The following SMYD3 variants were observed in gnomAD, a reference collection of about 807,000 sequenced individuals.
The protein encoded by SMYD3 is histone-lysine N-methyltransferase SMYD3.
SMYD3 carries 36 observed loss-of-function variants against 57.7 expected under a neutral mutation model. That is an observed-to-expected ratio of 0.62 (90% CI 0.48 to 0.82). SMYD3 has a LOEUF of 0.82. SMYD3 is among the 40% of genes least tolerant of loss of function. The pLI is 0.00. For missense variants in SMYD3, 515 were observed against 538.8 expected (o/e 0.96, Z 0.44); for synonymous variants, 211 against 195.0 (o/e 1.08, Z -0.68).
chr1:246,231,727 G>T (rs2063411244), intron 5 of SMYD3, among the ~76,000 whole-genome samples: 1 of 152,088 alleles, frequency 6.6e-6, no homozygotes, highest in Non-Finnish European at 1.5e-5. Context: ...AAAAAGGCAT[G>T]GCATGAATGA....
At position 245,858,546 on chromosome 1, in the gene SMYD3, GC is replaced by G; in HGVS notation, c.1025del (p.Gly342AlafsTer32). 1 of 1,614,192 alleles carries G rather than the reference GC, an allele frequency of 6.2e-7. No individual in the cohort carries two copies. Among genetic ancestry groups the G allele is most frequent in the South Asian group, 1.1e-5 (1 of 91,072 alleles). On this transcript the variant is annotated frameshift_variant, in exon 10 of 12. Coordinates refer to ENST00000490107, the MANE Select transcript of SMYD3 (RefSeq NM_001167740.2). LOFTEE classifies it high-confidence loss of function. ...DCAMDACINL[G>X]LLEEALFYGT... ...CATAGAACAAGGCTTCCTCCAACAG[GC>G]CGAGGTTGATGCAGGCATCCATGGC...
At chr1:246,426,289 G>A (rs566351253) in intron 1 of SMYD3, among the ~76,000 whole-genome samples, 1 of 152,226 alleles carries the variant, frequency 6.6e-6, no homozygotes, top group Admixed American at 6.5e-5. Context: ...GATTTTAAAT[G>A]TACTATTCAA....
intron 5 of SMYD3, among the ~76,000 whole-genome samples, chr1:245,979,093 T>A (rs916316925): frequency 3.3e-5 from 5 of 152,134 alleles, no homozygotes; most frequent in Non-Finnish European, 7.3e-5. Flanking sequence ...AGTCTCGGCA[T>A]CTTAATGAAA....
intron 5 of SMYD3, among the ~76,000 whole-genome samples, chr1:246,233,330 C>G (rs1448890652): frequency 1.6e-5 from 2 of 123,716 alleles, no homozygotes; most frequent in African/African-American, 6.2e-5. Context: ...ATATACCACA[C>G]AGAGGAGAAG....
intron 1 of SMYD3, among the ~76,000 whole-genome samples, chr1:246,454,684 C>A (rs2067676668): frequency 6.6e-6 from 1 of 152,174 alleles, no homozygotes; most frequent in Non-Finnish European, 1.5e-5. Context: ...AACATATTCA[C>A]TAATTAATTT....
At chr1:246,082,660 T>C (rs1376738042) in intron 5 of SMYD3, among the ~76,000 whole-genome samples, 1 of 152,148 alleles carries the variant, frequency 6.6e-6, no homozygotes, top group African/African-American at 2.4e-5. Flanking sequence ...TACTGCAATA[T>C]CGTGGGCTTG....
chr1:246,229,422 A>C (rs2063379258), intron 5 of SMYD3, among the ~76,000 whole-genome samples: 1 of 152,220 alleles, frequency 6.6e-6, no homozygotes, highest in African/African-American at 2.4e-5. Flanking sequence ...TAATGCCAAT[A>C]ATTTACTTAA....
chr1:246,011,764 AATC>A (rs2059285866), intron 5 of SMYD3, among the ~76,000 whole-genome samples: 1 of 152,194 alleles, frequency 6.6e-6, no homozygotes, highest in South Asian at 2.1e-4. Context: ...AACTCACTGA[AATC>A]TGCATGATCA....
intron 5 of SMYD3, among the ~76,000 whole-genome samples, chr1:246,131,461 GTTC>G (rs2061585972): frequency 6.6e-6 from 1 of 152,122 alleles, no homozygotes; most frequent in African/African-American, 2.4e-5. Flanking sequence ...AGAACCTTAG[GTTC>G]TTATTCATAA....
At chr1:246,399,445 C>T (rs1244720651) in intron 1 of SMYD3, among the ~76,000 whole-genome samples, 1 of 152,174 alleles carries the variant, frequency 6.6e-6, no homozygotes, top group African/African-American at 2.4e-5. Context: ...AGCAATTCTC[C>T]CGCCTCAGCC....
intron 5 of SMYD3, among the ~76,000 whole-genome samples, chr1:246,173,807 T>C (rs1352652061): frequency 9.2e-5 from 14 of 152,094 alleles, no homozygotes; most frequent in Admixed American, 8.5e-4. Flanking sequence ...AGTTAATTTT[T>C]TAATGCTTTT....
At chr1:246,103,531 G>A (rs2061057675) in intron 5 of SMYD3, among the ~76,000 whole-genome samples, 1 of 151,758 alleles carries the variant, frequency 6.6e-6, no homozygotes, top group Non-Finnish European at 1.5e-5. Context: ...ACAGCCCTCA[G>A]ATTTATTCCC....
At chr1:245,801,344 C>G (rs769257807) in intron 10 of SMYD3, among the ~76,000 whole-genome samples, 1 of 152,202 alleles carries the variant, frequency 6.6e-6, no homozygotes, top group East Asian at 1.9e-4. Context: ...TCCCACAAGA[C>G]GCTGATGAGT....
chr1:246,177,241 G>A (rs908565382), intron 5 of SMYD3, among the ~76,000 whole-genome samples: 9 of 152,178 alleles, frequency 5.9e-5, no homozygotes, highest in Non-Finnish European at 1.3e-4. Flanking sequence ...TCTCAATTAT[G>A]AGCAAATTTA....
intron 5 of SMYD3, among the ~76,000 whole-genome samples, chr1:246,251,196 TC>T (rs976291438): frequency 1.4e-4 from 21 of 152,334 alleles, no homozygotes; most frequent in Admixed American, 1.3e-3. Context: ...GGGGTTGTGT[TC>T]CTGGATTTGG....
intron 8 of SMYD3, among the ~76,000 whole-genome samples, chr1:245,901,127 A>G (rs373407701): frequency 2.0e-4 from 30 of 152,126 alleles, no homozygotes; most frequent in African/African-American, 6.8e-4. Context: ...CATGTTGCCA[A>G]TGGGAGTTAC....
intron 10 of SMYD3, among the ~76,000 whole-genome samples, chr1:245,803,141 C>T (rs562321561): frequency 8.4e-4 from 128 of 152,232 alleles, no homozygotes; most frequent in African/African-American, 2.6e-3. Flanking sequence ...GGTGAAATTC[C>T]GGAATGGCGT....
intron 5 of SMYD3, among the ~76,000 whole-genome samples, chr1:246,309,831 G>T (rs902438810): frequency 2.6e-5 from 4 of 152,020 alleles, no homozygotes; most frequent in Admixed American, 2.0e-4. Flanking sequence ...CTAAGAATCT[G>T]GTGAACTCCA....
chr1:246,454,808 C>T (rs868394124), intron 1 of SMYD3, among the ~76,000 whole-genome samples: 4 of 152,144 alleles, frequency 2.6e-5, no homozygotes, highest in African/African-American at 7.2e-5. Flanking sequence ...GGACTGGATG[C>T]AAGCTCTAAG....
Sources: allele counts gnomAD v4.1 joint callset (sites outside exome capture counted in the v4.1 genomes callset), GRCh38; gene constraint gnomAD v4.1.1; transcripts MANE v1.5; gene names NCBI Gene and HGNC (gene_info 2026-07-23, HGNC 2026-07-21).